The following TRAF5 variants were observed in gnomAD, a reference collection of about 807,000 sequenced individuals.
TRAF5 encodes TNF receptor-associated factor 5.
A neutral mutation model predicts 64.5 loss-of-function variants in TRAF5; 48 were observed. The ratio of observed to expected loss-of-function variants is 0.74; its 90% CI spans 0.59 to 0.95. TRAF5 has a LOEUF of 0.95. Ranked by LOEUF, TRAF5 falls within the 40% of genes least tolerant of loss-of-function variation. TRAF5 has a pLI of 0.00. For missense variants in TRAF5, 545 were observed against 662.8 expected, an observed-to-expected ratio of 0.82 and a Z score of 1.95; for synonymous variants, 206 against 240.5, an observed-to-expected ratio of 0.86 and a Z score of 1.33.
chr1:211,366,812 A>G (rs1158806176), intron 8 of TRAF5, among the ~76,000 whole-genome samples: 1 of 152,186 alleles, frequency 6.6e-6, no homozygotes, highest in Non-Finnish European at 1.5e-5. Context: ...CGTGTAGCCT[A>G]AGAAGTTTTG....
intron 1 of TRAF5, among the ~76,000 whole-genome samples, chr1:211,349,954 C>T (rs990235332): frequency 1.3e-5 from 2 of 151,636 alleles, no homozygotes; most frequent in Admixed American, 1.3e-4. Flanking sequence ...GAACACAAGG[C>T]AGAGCAGGGC....
At chr1:211,333,201 A>G (rs920904247) in intron 1 of TRAF5, among the ~76,000 whole-genome samples, 13 of 151,558 alleles carry the variant, frequency 8.6e-5, no homozygotes, top group South Asian at 2.1e-4. Context: ...GTTTTGTTTT[A>G]TTTTTGAGAC....
intron 7 of TRAF5, among the ~76,000 whole-genome samples, chr1:211,362,840 G>A (rs1278201648): frequency 6.6e-6 from 1 of 152,114 alleles, no homozygotes; most frequent in Non-Finnish European, 1.5e-5. Flanking sequence ...GTGAACTGGA[G>A]GGAAAAGTTT....
intron 9 of TRAF5, 100 bp from the exon 10 acceptor site, chr1:211,371,202 T>C: frequency 9.1e-7 from 1 of 1,102,206 alleles, no homozygotes; most frequent in Admixed American, 3.2e-5. Flanking sequence ...TGTTAATTGA[T>C]TAAATGTGAT....
chr1:211,365,920 T>G (rs1703337867), intron 8 of TRAF5, among the ~76,000 whole-genome samples: 1 of 152,148 alleles, frequency 6.6e-6, no homozygotes, highest in Admixed American at 6.5e-5. Flanking sequence ...GCACTATGGG[T>G]TTTATAAATT....
chr1:211,369,583 A>G lies in TRAF5; in HGVS notation c.921A>G (p.Pro307=), dbSNP rs1703457196. The G allele has an allele frequency of 6.3e-7, 1 of 1,590,898 alleles. No homozygotes were observed. The highest frequency in any genetic ancestry group is 8.5e-7 in the Non-Finnish European group (1 of 1,172,072). ...TTGGCAAAAATGGAAGCTTCCTCCC[A>G]AACATCCAGGTAAGAAATGGCCTTT... ...QLFGKNGSFL[P]NIQVFASHID... Residue 307 remains proline, a synonymous_variant, in exon 9 of 11, where the codon CCA becomes CCG. Transcript: ENST00000261464.
chr1:211,330,391 G>A (rs75856482), intron 1 of TRAF5, among the ~76,000 whole-genome samples: 5,082 of 149,886 alleles, frequency 0.034, 284 homozygotes, highest in African/African-American at 0.12. Context: ...TTCTCTCAAG[G>A]AGAAAGTGCT....
Position 211,371,408 on chromosome 1 carries a change from T to A in TRAF5, c.1037T>A (p.Met346Lys). 3 of 1,611,684 alleles carry A rather than the reference T, an allele frequency of 1.9e-6. No individual in the cohort carries two copies. Among genetic ancestry groups the A allele is most frequent in the Non-Finnish European group, 2.5e-6 (3 of 1,179,586 alleles). ...AATAAATTTGACCTGAGACCTTTGA[T>A]GGAAGCAGTTGATACAGTGAAACAG... ...QQNKFDLRPL[M>K]EAVDTVKQKI... The change falls in exon 10 of 11, where the codon ATG (methionine) becomes AAG (lysine). Residue 346 changes from methionine to lysine, a missense_variant. By Grantham distance (95) the Met-to-Lys change is moderately conservative (BLOSUM62 -1). Coordinates refer to ENST00000261464, the MANE Select transcript of TRAF5 (RefSeq NM_001033910.3).
chr1:211,332,161 G>A (rs1702173310), intron 1 of TRAF5, among the ~76,000 whole-genome samples: 1 of 152,212 alleles, frequency 6.6e-6, no homozygotes, highest in Non-Finnish European at 1.5e-5. Context: ...AAGGGCAGGA[G>A]TCTAGTTTTC....
chr1:211,339,628 T>C (rs1702391846), intron 1 of TRAF5, among the ~76,000 whole-genome samples: 1 of 152,204 alleles, frequency 6.6e-6, no homozygotes, highest in African/African-American at 2.4e-5. Flanking sequence ...TCTGTTGCCC[T>C]GATCAGGCCC....
intron 10 of TRAF5, 88 bp from the exon 11 acceptor site, chr1:211,372,040 T>G: frequency 8.6e-7 from 1 of 1,156,686 alleles, no homozygotes; most frequent in South Asian, 1.6e-5. Context: ...TTGATTCTCT[T>G]TCAGGTAACA....
Position 211,364,708 on chromosome 1 carries a change from C to CAAACAAAA in TRAF5, c.697-665_697-664insCAAAAAAA, listed in dbSNP as rs1553272026. On this transcript the variant is annotated intron_variant, in intron 7 of 10. Transcript: ENST00000261464. ...CTCAAAAAACAAACAAACAAACAAA[C>CAAACAAAA]AAAACTGATTTGAAGATAACCCTCA... Among the ~76,000 whole-genome samples the CAAACAAAA allele has an allele frequency of 4.9e-3, 746 of 151,098 alleles. 3 individuals carry two copies. Among genetic ancestry groups the CAAACAAAA allele is most frequent in the African/African-American group, 0.017 (714 of 41,188 alleles).
intron 1 of TRAF5, among the ~76,000 whole-genome samples, chr1:211,331,966 C>T (rs988149535): frequency 6.6e-6 from 1 of 152,172 alleles, no homozygotes; most frequent in East Asian, 1.9e-4. Flanking sequence ...TGCACCTGGG[C>T]GAGTAGACCA....
intron 3 of TRAF5, among the ~76,000 whole-genome samples, chr1:211,355,912 G>A (rs919908185): frequency 6.6e-6 from 1 of 152,234 alleles, no homozygotes; most frequent in Non-Finnish European, 1.5e-5. Context: ...TGTGGCAACA[G>A]AGATGATCGT....
chr1:211,339,765 C>T (rs890053850), intron 1 of TRAF5, among the ~76,000 whole-genome samples: 5 of 152,204 alleles, frequency 3.3e-5, no homozygotes, highest in African/African-American at 1.2e-4. Flanking sequence ...GGAAGCGTCT[C>T]TCGTCTGCTT....
At chr1:211,358,106 C>T (rs1005724424) in intron 4 of TRAF5, 1 of 152,182 alleles carries the variant, frequency 6.6e-6, no homozygotes, top group Non-Finnish European at 1.5e-5. Flanking sequence ...AGTTCTCTAA[C>T]ATTTTGTTAA....
At chr1:211,354,572 C>T in intron 3 of TRAF5, 105 bp downstream of exon 3, 2 of 1,132,342 alleles carry the variant, frequency 1.8e-6, no homozygotes, top group East Asian at 5.0e-5. Flanking sequence ...GGGAGACCTT[C>T]CTTGGAGTCC....
chr1:211,329,006 C>T (rs1426980321), intron 1 of TRAF5, among the ~76,000 whole-genome samples: 2 of 152,148 alleles, frequency 1.3e-5, no homozygotes, highest in Non-Finnish European at 2.9e-5. Flanking sequence ...TCTCAGAGAG[C>T]CATATCTGCC....
chr1:211,327,254 G>A (rs1409906097), intron 1 of TRAF5, among the ~76,000 whole-genome samples: 2 of 152,178 alleles, frequency 1.3e-5, no homozygotes, highest in African/African-American at 4.8e-5. Flanking sequence ...CCGTCGGGGT[G>A]CACTGGCGGG....
Sources: gnomAD v4.1 joint callset for allele counts (sites outside exome capture counted in the v4.1 genomes callset) on GRCh38, gnomAD v4.1.1 for gene constraint, MANE v1.5 for transcripts, NCBI Gene and HGNC (gene_info 2026-07-23, HGNC 2026-07-21) for gene names.